FBXO25: variants seen among roughly 807,000 people sequenced by gnomAD.
FBXO25 encodes F-box only protein 25.
Under a neutral mutation model 51.9 loss-of-function variants are expected in FBXO25, and 45 were observed. The observed-to-expected ratio is 0.87, with a 90% CI of 0.68 to 1.11. The LOEUF is 1.11. Ranked by LOEUF, FBXO25 falls within the 50% of genes most tolerant of loss-of-function variation. The pLI is 0.00. For missense variants in FBXO25, 507 were observed against 428.5 expected, an observed-to-expected ratio of 1.18 and a Z score of -1.62; for synonymous variants, 199 against 151.0, an observed-to-expected ratio of 1.32 and a Z score of -2.33.
intron 5 of FBXO25, among the ~76,000 whole-genome samples, chr8:437,544 G>A (rs1397759257): frequency 6.6e-6 from 1 of 152,178 alleles, no homozygotes; most frequent in Non-Finnish European, 1.5e-5. Flanking sequence ...GTCCAGCAAA[G>A]TTACCTCTAA....
At chr8:466,670 C>G (rs1431938913) in intron 9 of FBXO25, among the ~76,000 whole-genome samples, 2 of 152,222 alleles carry the variant, frequency 1.3e-5, no homozygotes, top group Non-Finnish European at 2.9e-5. Flanking sequence ...AAGCTTGGAG[C>G]TCTCCAGTCA....
At chr8:446,430 C>G (rs1361114461) in intron 5 of FBXO25, among the ~76,000 whole-genome samples, 4 of 152,222 alleles carry the variant, frequency 2.6e-5, no homozygotes, top group Non-Finnish European at 4.4e-5. Context: ...TTAAGCAGTG[C>G]TTACGGCTGG....
intron 5 of FBXO25, among the ~76,000 whole-genome samples, chr8:439,150 T>C (rs187396874): frequency 3.3e-5 from 5 of 152,286 alleles, no homozygotes; most frequent in African/African-American, 1.2e-4. Flanking sequence ...CCTGATCCTA[T>C]AGGTTAATGT....
In FBXO25 at chr8:431,362, A is replaced by G. The variant is rs762903423; in HGVS notation, c.156A>G (p.Gly52=). 2.1e-5 allele frequency: 32 copies of G among 1,524,404 alleles called. No individual in the cohort carries two copies. Among genetic ancestry groups the G allele is most frequent in the Non-Finnish European group, 2.8e-5 (32 of 1,128,110 alleles). 94.4% of individuals were successfully genotyped at this position (1,524,404 alleles called of 1,614,324 possible). Residue 52 remains glycine (G), a synonymous_variant, in exon 3 of 10, where the codon GGA becomes GGG. Coordinates refer to ENST00000350302, the MANE Select transcript of FBXO25 (RefSeq NM_183420.2). ...TCAGTATCTTAAATAGTGAAGATGG[A>G]GAAATATTCAATAATGAAGAGCATG... is the stretch of plus-strand genomic sequence containing the variant. ...SHSIILNSED[G]EIFNNEEHEY... is the part of the protein sequence containing the mutation.
chr8:462,097 A>G (rs554196361), intron 8 of FBXO25, among the ~76,000 whole-genome samples: 43 of 152,266 alleles, frequency 2.8e-4, no homozygotes, highest in Non-Finnish European at 5.4e-4. Flanking sequence ...TGGCTGCACC[A>G]TTTCACATTC....
chr8:433,794 G>C (rs1395655588), intron 4 of FBXO25, among the ~76,000 whole-genome samples: 2 of 152,164 alleles, frequency 1.3e-5, no homozygotes, highest in Non-Finnish European at 2.9e-5. Flanking sequence ...TCTGAAACTA[G>C]TCCAGCTTCC....
intron 7 of FBXO25, among the ~76,000 whole-genome samples, chr8:456,716 G>A (rs778463777): frequency 4.6e-5 from 7 of 152,218 alleles, no homozygotes; most frequent in South Asian, 2.1e-4. Flanking sequence ...GGCCCCACTC[G>A]TGTCTGGCAG....
chr8:411,570 T>C (rs1365071404), intron 1 of FBXO25, among the ~76,000 whole-genome samples: 1 of 152,240 alleles, frequency 6.6e-6, no homozygotes, highest in Non-Finnish European at 1.5e-5. Context: ...TATTTATTCA[T>C]TCAGTAAATA....
At chr8:460,036 G>T (rs192462405) in intron 8 of FBXO25, among the ~76,000 whole-genome samples, 14 of 152,246 alleles carry the variant, frequency 9.2e-5, no homozygotes, top group Non-Finnish European at 1.9e-4. Context: ...GGGCATGGGG[G>T]AGGGGGTGGA....
At chr8:428,699 A>T (rs774354547) in intron 2 of FBXO25, among the ~76,000 whole-genome samples, 15 of 152,104 alleles carry the variant, frequency 9.9e-5, no homozygotes, top group Non-Finnish European at 1.3e-4. Context: ...CTAACTTTTC[A>T]TTCTCCAGCA....
At chr8:456,892 T>C (rs2116775416) in intron 7 of FBXO25, among the ~76,000 whole-genome samples, 1 of 152,224 alleles carries the variant, frequency 6.6e-6, no homozygotes, top group African/African-American at 2.4e-5. Flanking sequence ...GAGAAGAAAG[T>C]GGGGTGTCAA....
At position 474,775 on chromosome 8, in the gene FBXO25, T is replaced by C. The variant is rs779410348; in HGVS notation, c.*5971T>C. ...TTCAGATATATCATTTTAAAATACT[T>C]TGTCCCATTCCGTGGATTGCCTTTC... On this transcript the variant is annotated 3_prime_UTR_variant, in exon 10 of 10. Coordinates refer to ENST00000350302, the MANE Select transcript of FBXO25 (RefSeq NM_183420.2). 3.1e-5 allele frequency: 14 copies of C among 456,546 alleles called. No homozygotes were observed. Among genetic ancestry groups the C allele is most frequent in the South Asian group, 7.7e-5 (5 of 64,552 alleles). The allele number at this position is 456,546 out of a possible 1,614,324, so 28.3% of individuals were successfully genotyped here.
chr8:449,775 G>A (rs1798963708), intron 5 of FBXO25, among the ~76,000 whole-genome samples: 1 of 152,204 alleles, frequency 6.6e-6, no homozygotes, highest in Non-Finnish European at 1.5e-5. Context: ...AGAAGACAGA[G>A]CTGTAGGCTG....
chr8:407,757 G>C (rs1796251809), intron 1 of FBXO25, among the ~76,000 whole-genome samples: 1 of 151,916 alleles, frequency 6.6e-6, no homozygotes, highest in Non-Finnish European at 1.5e-5. Context: ...CCTACTCCTG[G>C]TCTGTGGCTC....
chr8:438,356 G>A (rs1187055556), intron 5 of FBXO25, among the ~76,000 whole-genome samples: 1 of 152,218 alleles, frequency 6.6e-6, no homozygotes, highest in African/African-American at 2.4e-5. Context: ...ACCATGCCCA[G>A]CCTGTATCTT....
At chr8:417,118 G>A (rs1796855143) in intron 2 of FBXO25, among the ~76,000 whole-genome samples, 2 of 152,210 alleles carry the variant, frequency 1.3e-5, no homozygotes, top group South Asian at 4.1e-4. Context: ...TCCAGCATGG[G>A]TAAGGGGAGC....
intron 5 of FBXO25, among the ~76,000 whole-genome samples, chr8:438,298 A>T (rs1364140120): frequency 6.6e-6 from 1 of 152,146 alleles, no homozygotes; most frequent in African/African-American, 2.4e-5. Flanking sequence ...ACCTCAAGTG[A>T]TCCACCTGCC....
chr8:468,272 A>C (rs538112541), intron 9 of FBXO25: 4 of 1,013,548 alleles, frequency 3.9e-6, no homozygotes, highest in Non-Finnish European at 4.7e-6. Flanking sequence ...AGGGAGCCCA[A>C]GCTGATTCAG....
rs566925602 is a variant in FBXO25 at position 445,829 on chromosome 8, C to T, written c.382-4161C>T. On this transcript the variant is annotated intron_variant, in intron 5 of 9. Transcript: ENST00000350302. The stretch of plus-strand genomic sequence containing the variant: ...GAGGTTGCAGTGAGCCGAGATCGCG[C>T]CATTGCACTCCAGCCTGGGGGACAA... Among the ~76,000 whole-genome samples the T allele has an allele frequency of 4.6e-5, 7 of 152,332 alleles. No homozygotes were observed. In the South Asian group the frequency reaches 1.5e-3, roughly 32 times the overall value.
Sources: gnomAD v4.1 joint callset for allele counts (sites outside exome capture counted in the v4.1 genomes callset) on GRCh38, gnomAD v4.1.1 for gene constraint, MANE v1.5 for transcripts, NCBI Gene and HGNC (gene_info 2026-07-23, HGNC 2026-07-21) for gene names.